The following UBE2E1 variants were observed in gnomAD, a reference collection of about 807,000 sequenced individuals.
The protein encoded by UBE2E1 is ubiquitin conjugating enzyme E2 E1, also known as ubiquitin-conjugating enzyme E2 E1.
A neutral mutation model predicts 21.4 loss-of-function variants in UBE2E1; 6 were observed. The ratio of observed to expected loss-of-function variants is 0.28; its 90% CI spans 0.15 to 0.55. The LOEUF (loss-of-function observed/expected upper bound fraction) is 0.55, where lower values mean the gene tolerates loss of function less well. Ranked by LOEUF, UBE2E1 falls within the 20% of genes least tolerant of loss-of-function variation. The pLI is 0.93. For missense variants in UBE2E1, 142 were observed against 236.5 expected (o/e 0.60, Z 2.62); for synonymous variants, 87 against 82.7 (o/e 1.05, Z -0.28).
At chr3:23,874,215 G>C (rs1479454672) in intron 3 of UBE2E1, among the ~76,000 whole-genome samples, 1 of 152,192 alleles carries the variant, frequency 6.6e-6, no homozygotes, top group Non-Finnish European at 1.5e-5. Flanking sequence ...TCTTAGAATT[G>C]AGTAAAACCT....
intron 3 of UBE2E1, among the ~76,000 whole-genome samples, chr3:23,815,287 A>G (rs1053012610): frequency 6.6e-6 from 1 of 152,122 alleles, no homozygotes. Context: ...TGGCCCTGAT[A>G]CTAGTTTTTC....
intron 3 of UBE2E1, among the ~76,000 whole-genome samples, chr3:23,872,147 A>G (rs566117543): frequency 2.9e-3 from 391 of 134,862 alleles, no homozygotes; most frequent in African/African-American, 8.8e-3. Flanking sequence ...GAGGCTGACA[A>G]ATCACTCGCT....
chr3:23,848,303 T>C lies in UBE2E1; in HGVS notation c.203+36793T>C, dbSNP rs565410061. ...GGCCAACATGATGAAACCTTGTCTC[T>C]CTTAAAAATACAAAAATTAGCTGGG... On this transcript the variant is annotated intron_variant, in intron 3 of 5. Coordinates refer to ENST00000306627, the MANE Select transcript of UBE2E1 (RefSeq NM_003341.5). 1.4e-4 allele frequency among the ~76,000 whole-genome samples: 22 copies of C among 152,246 alleles called. 1 individual carries two copies. In the South Asian group the frequency reaches 4.6e-3, roughly 32 times the overall value.
At chr3:23,811,149 C>T in intron 2 of UBE2E1, 1 of 412,076 alleles carries the variant, frequency 2.4e-6, no homozygotes, top group Non-Finnish European at 4.4e-6. Flanking sequence ...GGAAACCGGT[C>T]GGCAAGTGAG....
At chr3:23,809,969 T>C (rs554969053) in intron 2 of UBE2E1, among the ~76,000 whole-genome samples, 3 of 152,302 alleles carry the variant, frequency 2.0e-5, no homozygotes, top group Admixed American at 2.0e-4. Context: ...CTTTCTAAAG[T>C]TGACAGATAC....
chr3:23,856,054 C>CA (rs1337641002), intron 3 of UBE2E1, among the ~76,000 whole-genome samples: 2 of 151,898 alleles, frequency 1.3e-5, no homozygotes, highest in Non-Finnish European at 2.9e-5. Context: ...TTTTTTGAGA[C>CA]AGAGTCTCGC....
chr3:23,817,290 C>T (rs767768229), intron 3 of UBE2E1, among the ~76,000 whole-genome samples: 23 of 151,890 alleles, frequency 1.5e-4, no homozygotes, highest in African/African-American at 3.4e-4. Flanking sequence ...GGCGTGGTGA[C>T]GCGCGCCCGT....
At chr3:23,819,154 C>T (rs974765372) in intron 3 of UBE2E1, among the ~76,000 whole-genome samples, 57 of 152,000 alleles carry the variant, frequency 3.8e-4, no homozygotes, top group African/African-American at 1.2e-3. Context: ...CGTGGTGGCA[C>T]GCGCCTGTAG....
chr3:23,818,238 G>A (rs998408505), intron 3 of UBE2E1, among the ~76,000 whole-genome samples: 1 of 152,140 alleles, frequency 6.6e-6, no homozygotes, highest in Non-Finnish European at 1.5e-5. Context: ...TTTGTTACTT[G>A]CTTCGTTGAT....
chr3:23,882,661 C>T (rs1457515235), intron 3 of UBE2E1, among the ~76,000 whole-genome samples: 1 of 152,040 alleles, frequency 6.6e-6, no homozygotes, highest in East Asian at 1.9e-4. Flanking sequence ...TGGCAGGCTG[C>T]ACGTCTCAAG....
At chr3:23,844,025 G>A (rs1025091706) in intron 3 of UBE2E1, among the ~76,000 whole-genome samples, 2 of 151,844 alleles carry the variant, frequency 1.3e-5, no homozygotes. Flanking sequence ...ATGCTCTTAG[G>A]GCTCCTTTAA....
chr3:23,879,695 C>T (rs1700992668), intron 3 of UBE2E1, among the ~76,000 whole-genome samples: 1 of 152,184 alleles, frequency 6.6e-6, no homozygotes, highest in Admixed American at 6.6e-5. Context: ...GGACAGGGCA[C>T]CAGGTGGGTG....
At chr3:23,877,586 A>AG (rs1491507218) in intron 3 of UBE2E1, among the ~76,000 whole-genome samples, 1 of 151,966 alleles carries the variant, frequency 6.6e-6, no homozygotes, top group African/African-American at 2.4e-5. Context: ...GCCAAACGTC[A>AG]GGGGGTGGGG....
At chr3:23,882,939 G>A (rs1407942161) in intron 3 of UBE2E1, among the ~76,000 whole-genome samples, 1 of 152,178 alleles carries the variant, frequency 6.6e-6, no homozygotes, top group Non-Finnish European at 1.5e-5. Context: ...CCTGCAAACA[G>A]AGGGAGCCAG....
rs192016770 is a variant in UBE2E1 at position 23,816,694 on chromosome 3, G to A, written c.203+5184G>A. ...TGCACTCCAGCCTGGGCAACAAAGC[G>A]AGGCTCCATCTCAAAAAAAAAGGTT... On this transcript the variant is annotated intron_variant, in intron 3 of 5. Transcript: ENST00000306627. This position sits in a 1 kb window ranked among gnomAD's most constrained non-coding sequence, Gnocchi z 4.8. 9.2e-5 allele frequency among the ~76,000 whole-genome samples: 14 copies of A among 152,028 alleles called. No individual in the cohort carries two copies. Among genetic ancestry groups the A allele is most frequent in the African/African-American group, 3.1e-4 (13 of 41,472 alleles).
intron 3 of UBE2E1, among the ~76,000 whole-genome samples, chr3:23,858,064 G>A (rs578006397): frequency 6.6e-6 from 1 of 152,220 alleles, no homozygotes; most frequent in Non-Finnish European, 1.5e-5. Flanking sequence ...TTAAGAGGCT[G>A]GGAGCCTGAG....
rs1022081449 is a variant in UBE2E1 at position 23,810,358 on chromosome 3, G to C, written c.153-1102G>C. 3 of 1,406,680 alleles carry C rather than the reference G, an allele frequency of 2.1e-6. No homozygotes were observed. The highest frequency in any genetic ancestry group is 2.9e-6 in the Non-Finnish European group (3 of 1,031,648). 87.1% of individuals were successfully genotyped at this position (1,406,680 alleles called of 1,614,324 possible). On this transcript the variant is annotated intron_variant, in intron 2 of 5. Coordinates refer to ENST00000306627, the MANE Select transcript of UBE2E1 (RefSeq NM_003341.5). This position sits in a 1 kb window ranked among gnomAD's most constrained non-coding sequence, Gnocchi z 5.8. ...CAAAGGCCAGGGCTTGGTGTGAACT[G>C]CCTGGTGGCTTCGGCCTATGAGTGG...
At position 23,810,573 on chromosome 3, in the gene UBE2E1, A is replaced by G; in HGVS notation, c.153-887A>G. 3 of 1,511,190 alleles carry G rather than the reference A, an allele frequency of 2.0e-6. No homozygotes were observed. Among genetic ancestry groups the G allele is most frequent in the Non-Finnish European group, 2.7e-6 (3 of 1,130,142 alleles). 93.6% of individuals were successfully genotyped at this position (1,511,190 alleles called of 1,614,324 possible). A position where few individuals can be genotyped will look rare whatever the true frequency, so the allele number is the denominator to read the frequency against. On this transcript the variant is annotated intron_variant, in intron 2 of 5. Transcript: ENST00000306627. This position sits in a 1 kb window ranked among gnomAD's most constrained non-coding sequence, Gnocchi z 5.8. Reference sequence around the variant, plus strand: ...GAGTCCCGGCCAGCGTGCGGGGCGGAGGCAGGGTCCGGTGCACCTGTGCGG... The same window carrying G: ...GAGTCCCGGCCAGCGTGCGGGGCGGGGGCAGGGTCCGGTGCACCTGTGCGG...
At chr3:23,860,135 A>C (rs945267717) in intron 3 of UBE2E1, among the ~76,000 whole-genome samples, 3 of 152,230 alleles carry the variant, frequency 2.0e-5, no homozygotes, top group African/African-American at 7.2e-5. Context: ...TTCAGAGCTC[A>C]GCCCTTTGCT....
Sources: allele counts gnomAD v4.1 joint callset (sites outside exome capture counted in the v4.1 genomes callset), GRCh38; gene constraint gnomAD v4.1.1; non-coding constraint Gnocchi (gnomAD v3.1); transcripts MANE v1.5; gene names NCBI Gene and HGNC (gene_info 2026-07-23, HGNC 2026-07-21).